DIAPH2: variants seen among roughly 807,000 people sequenced by gnomAD.
DIAPH2 encodes the protein protein diaphanous homolog 2.
In DIAPH2, 35 loss-of-function variants were observed where a neutral mutation model predicts 92.7. The ratio of observed to expected loss-of-function variants is 0.38; its 90% CI spans 0.29 to 0.50. The LOEUF (loss-of-function observed/expected upper bound fraction) is 0.50, where lower values mean the gene tolerates loss of function less well. DIAPH2 is among the 20% of genes least tolerant of loss of function. The pLI, the probability that DIAPH2 is intolerant of heterozygous loss-of-function variation, is 0.94. For missense variants in DIAPH2, 701 were observed against 819.5 expected (o/e 0.86, Z 1.77); for synonymous variants, 301 against 280.4 (o/e 1.07, Z -0.73).
intron 24 of DIAPH2, among the ~76,000 whole-genome samples, chrX:97,383,472 G>A (rs1281906888): frequency 9.2e-6 from 1 of 108,664 alleles, no homozygotes; most frequent in Non-Finnish European, 1.9e-5. Context: ...ACAATAAAGG[G>A]GATAAAATAC....
intron 22 of DIAPH2, among the ~76,000 whole-genome samples, chrX:97,205,216 A>C (rs2067786656): frequency 8.9e-6 from 1 of 112,407 alleles, no homozygotes; most frequent in Non-Finnish European, 1.9e-5. Context: ...CAAAACCATA[A>C]AAACTGTAGA....
At chrX:97,016,092 T>A (rs1027586506) in intron 17 of DIAPH2, among the ~76,000 whole-genome samples, 4 of 112,355 alleles carry the variant, frequency 3.6e-5, no homozygotes, top group African/African-American at 1.3e-4. Flanking sequence ...TGGTATGTCT[T>A]GAAACAAATC....
At chrX:97,247,666 G>T (rs758362627) in intron 22 of DIAPH2, 49 bp from the exon 23 acceptor site, 3 of 1,108,598 alleles carry the variant, frequency 2.7e-6, no homozygotes, top group Middle Eastern at 2.5e-4. Flanking sequence ...TAGATGTTTT[G>T]TGGAACACTT....
chrX:97,552,393 G>A (rs139569166), intron 26 of DIAPH2, among the ~76,000 whole-genome samples: 212 of 111,603 alleles, frequency 1.9e-3, no homozygotes, highest in African/African-American at 6.4e-3. Context: ...CTTCAATTAA[G>A]TACTGGACTT....
chrX:96,810,652 G>A (rs2064671059), intron 4 of DIAPH2, among the ~76,000 whole-genome samples: 1 of 111,418 alleles, frequency 9.0e-6, no homozygotes, highest in African/African-American at 3.3e-5. Flanking sequence ...ATGGTTTTAG[G>A]TCTAACGTTT....
chrX:97,594,811 TATA>T (rs1410049353), intron 26 of DIAPH2, among the ~76,000 whole-genome samples: 2 of 112,312 alleles, frequency 1.8e-5, no homozygotes, highest in African/African-American at 3.2e-5. Flanking sequence ...GGGACTAGTA[TATA>T]ATGTTAGGTC....
chrX:96,738,117 C>T (rs1289692143), intron 2 of DIAPH2, among the ~76,000 whole-genome samples: 1 of 111,849 alleles, frequency 8.9e-6, no homozygotes, highest in East Asian at 2.8e-4. Context: ...TACTGCTACA[C>T]TGACACATTA....
intron 22 of DIAPH2, among the ~76,000 whole-genome samples, chrX:97,201,144 A>G (rs1460603951): frequency 3.3e-5 from 3 of 91,292 alleles, no homozygotes; most frequent in African/African-American, 4.3e-5. Flanking sequence ...CCCCCCCCAA[A>G]AAAAACCCCA....
At chrX:97,132,248 G>A (rs955828211) in intron 21 of DIAPH2, among the ~76,000 whole-genome samples, 3 of 111,110 alleles carry the variant, frequency 2.7e-5, no homozygotes, top group African/African-American at 9.8e-5. Context: ...CCAAACTAAA[G>A]GGTGTAAAAA....
chrX:96,784,528 T>G (rs1173611898), intron 4 of DIAPH2, among the ~76,000 whole-genome samples: 1 of 112,066 alleles, frequency 8.9e-6, no homozygotes, highest in East Asian at 2.8e-4. Flanking sequence ...GCATACACAA[T>G]TAAATGAGTG....
intron 26 of DIAPH2, among the ~76,000 whole-genome samples, chrX:97,536,509 A>C (rs750289885): frequency 1.2e-4 from 13 of 112,599 alleles, no homozygotes; most frequent in African/African-American, 4.2e-4. Context: ...TATGACAAGT[A>C]TATTAAAATA....
intron 4 of DIAPH2, among the ~76,000 whole-genome samples, chrX:96,870,958 T>G (rs893958654): frequency 8.9e-6 from 1 of 111,974 alleles, no homozygotes; most frequent in Non-Finnish European, 1.9e-5. Context: ...TACAAAATGG[T>G]AAAGCAGAGA....
intron 1 of DIAPH2, among the ~76,000 whole-genome samples, chrX:96,719,022 G>A (rs150224747): frequency 7.5e-4 from 84 of 111,734 alleles, no homozygotes; most frequent in African/African-American, 2.5e-3. Context: ...TTGCATTTCC[G>A]TGATCAATGA....
At chrX:97,153,353 C>G (rs747941686) in intron 22 of DIAPH2, among the ~76,000 whole-genome samples, 8 of 110,970 alleles carry the variant, frequency 7.2e-5, no homozygotes, top group African/African-American at 2.6e-4. Context: ...GAGGCCGAGG[C>G]GGGTGGATTC....
intron 22 of DIAPH2, among the ~76,000 whole-genome samples, chrX:97,166,404 A>G (rs1232858204): frequency 1.8e-5 from 2 of 112,017 alleles, no homozygotes; most frequent in Non-Finnish European, 3.8e-5. Flanking sequence ...AGATGGTGAA[A>G]TAAATGTTTT....
In DIAPH2 at chrX:96,981,974, T is replaced by C. The variant is rs141571692; in HGVS notation, c.2050+16767T>C. Among the ~76,000 whole-genome samples the C allele has an allele frequency of 3.8e-3, 428 of 111,910 alleles. 4 individuals carry two copies. The highest frequency in any genetic ancestry group is 0.014 in the African/African-American group (421 of 30,839). On this transcript the variant is annotated intron_variant, in intron 17 of 26. Transcript: ENST00000324765. ...AGTTTATGTAGAGTATTAATACATTTCTATTAATTGGACCCAGTAAAAATG... is the reference window on the plus strand; with the variant it reads ...AGTTTATGTAGAGTATTAATACATTCCTATTAATTGGACCCAGTAAAAATG...
At chrX:96,927,302 T>G (rs1478017598) in intron 9 of DIAPH2, among the ~76,000 whole-genome samples, 5 of 83,368 alleles carry the variant, frequency 6.0e-5, no homozygotes, top group Non-Finnish European at 1.3e-4. Flanking sequence ...TTTTTTTTTT[T>G]GGAAAGCAGA....
intron 23 of DIAPH2, among the ~76,000 whole-genome samples, chrX:97,306,395 T>A (rs1295179301): frequency 9.0e-6 from 1 of 111,318 alleles, no homozygotes; most frequent in Admixed American, 9.6e-5. Flanking sequence ...CTGGCCCCTT[T>A]CTGTAAGCTG....
chrX:97,549,963 A>G (rs1293443323), intron 26 of DIAPH2, among the ~76,000 whole-genome samples: 3 of 112,962 alleles, frequency 2.7e-5, no homozygotes, highest in African/African-American at 9.6e-5. Flanking sequence ...ATAATCCCCA[A>G]GTATGTTTTA....
Sources: gnomAD v4.1 joint callset for allele counts (sites outside exome capture counted in the v4.1 genomes callset) on GRCh38, gnomAD v4.1.1 for gene constraint, MANE v1.5 for transcripts, NCBI Gene and HGNC (gene_info 2026-07-23, HGNC 2026-07-21) for gene names.